Variants in RASEF observed in about 807,000 individuals in gnomAD.
RASEF encodes the protein RAS and EF-hand domain containing, also known as ras and EF-hand domain-containing protein.
Under a neutral mutation model 90.1 loss-of-function variants are expected in RASEF, and 68 were observed. That is an observed-to-expected ratio of 0.75 (90% CI 0.62 to 0.92). The LOEUF is 0.92. Among genes scored for constraint, RASEF ranks in the 40% least tolerant of loss-of-function variants. The pLI is 0.00. For synonymous variants in RASEF, 331 were observed against 345.2 expected, an observed-to-expected ratio of 0.96 and a Z score of 0.46; for missense variants, 949 against 937.2, an observed-to-expected ratio of 1.01 and a Z score of -0.16.
intron 3 of RASEF, among the ~76,000 whole-genome samples, chr9:83,016,981 G>A (rs1467080998): frequency 1.3e-5 from 2 of 152,076 alleles, no homozygotes; most frequent in Non-Finnish European, 1.5e-5. Flanking sequence ...TTCCCTAAAG[G>A]TAACGTTTTT....
rs115600747 is a variant in RASEF at position 82,989,997 on chromosome 9, A to T, written c.2117+394T>A. ...GTAATAATTCTGACAAAGTGTTTCT[A>T]ACTGGCATAACATACAAATTGCTTT... On this transcript the variant is annotated intron_variant, in intron 16 of 16. Transcript: ENST00000376447. Among the ~76,000 whole-genome samples the T allele has an allele frequency of 7.5e-3, 1,141 of 152,336 alleles. 17 individuals are homozygous for T. Among genetic ancestry groups the T allele is most frequent in the African/African-American group, 0.025 (1,050 of 41,580 alleles).
the RASEF span, among the ~76,000 whole-genome samples, chr9:83,133,896 T>G: frequency 1.3e-5 from 2 of 152,130 alleles, no homozygotes; most frequent in South Asian, 4.1e-4. Flanking sequence ...ATATACACAG[T>G]AATTAAGGCA....
At chr9:83,197,080 C>T in the RASEF span, among the ~76,000 whole-genome samples, 4 of 152,246 alleles carry the variant, frequency 2.6e-5, no homozygotes, top group Non-Finnish European at 5.9e-5. Flanking sequence ...CCACCCTCTC[C>T]TTGGAAGGCT....
chr9:83,193,141 C>T, the RASEF span, among the ~76,000 whole-genome samples: 1 of 152,186 alleles, frequency 6.6e-6, no homozygotes, highest in Non-Finnish European at 1.5e-5. Flanking sequence ...TGGGATAGAG[C>T]ACCATCAGAC....
the RASEF span, among the ~76,000 whole-genome samples, chr9:83,127,411 G>T: frequency 5.9e-5 from 9 of 152,090 alleles, no homozygotes; most frequent in Non-Finnish European, 8.8e-5. Context: ...GGGTCCCCAG[G>T]AGCCCATAGT....
chr9:83,090,537 G>A, the RASEF span, among the ~76,000 whole-genome samples: 36 of 151,958 alleles, frequency 2.4e-4, no homozygotes, highest in African/African-American at 7.7e-4. Context: ...CTGAGTAGCT[G>A]GGATTACAGG....
At chr9:83,078,986 C>G in the RASEF span, among the ~76,000 whole-genome samples, 1 of 152,224 alleles carries the variant, frequency 6.6e-6, no homozygotes. Context: ...AATATTTTCT[C>G]CCATTCTGTA....
intron 1 of RASEF, among the ~76,000 whole-genome samples, chr9:83,045,529 C>A (rs963545644): frequency 1.3e-5 from 2 of 152,170 alleles, no homozygotes; most frequent in Non-Finnish European, 2.9e-5. Flanking sequence ...CTTTTATTAT[C>A]CTGAAGACAG....
At chr9:83,180,139 T>C in the RASEF span, among the ~76,000 whole-genome samples, 1 of 152,204 alleles carries the variant, frequency 6.6e-6, no homozygotes, top group Admixed American at 6.5e-5. Flanking sequence ...TATGCAGTTG[T>C]ATTACTTTAA....
rs77493088 is a variant in RASEF, at chr9:83,030,889, C to A, written c.432-4968G>T. Among the ~76,000 whole-genome samples, 439 of 151,876 alleles carry A rather than the reference C, an allele frequency of 2.9e-3. 4 individuals are homozygous for A. The highest frequency in any genetic ancestry group is 0.01 in the African/African-American group (428 of 41,430). On this transcript the variant is annotated intron_variant, in intron 1 of 16. Transcript: ENST00000376447. Reference sequence around the variant, plus strand: ...TCTCAATTTCTCTCTCTCTCCTTTCCACCTTCTCCTTCTTTCTCCCTTTTC... The same window carrying A: ...TCTCAATTTCTCTCTCTCTCCTTTCAACCTTCTCCTTCTTTCTCCCTTTTC...
the RASEF span, among the ~76,000 whole-genome samples, chr9:83,179,934 G>A: frequency 6.6e-6 from 1 of 152,064 alleles, no homozygotes; most frequent in African/African-American, 2.4e-5. Context: ...CCGTCCCAGG[G>A]CAAACCAACA....
At chr9:83,022,699 T>G (rs139128199) in intron 2 of RASEF, among the ~76,000 whole-genome samples, 1 of 152,338 alleles carries the variant, frequency 6.6e-6, no homozygotes, top group African/African-American at 2.4e-5. Context: ...TTTGTCATTG[T>G]GTAAGCATCA....
chr9:83,130,067 C>T, the RASEF span, among the ~76,000 whole-genome samples: 1 of 152,132 alleles, frequency 6.6e-6, no homozygotes, highest in African/African-American at 2.4e-5. Flanking sequence ...CTCAGTAGTA[C>T]AAAGTGAAGA....
the RASEF span, among the ~76,000 whole-genome samples, chr9:83,085,565 T>C: frequency 6.6e-6 from 1 of 151,854 alleles, no homozygotes; most frequent in African/African-American, 2.4e-5. Context: ...AACCTGAAGA[T>C]TGATGCTGCA....
At chr9:83,128,025 C>CTTTT in the RASEF span, among the ~76,000 whole-genome samples, 6 of 134,722 alleles carry the variant, frequency 4.5e-5, no homozygotes, top group Non-Finnish European at 6.3e-5. Flanking sequence ...TTTTTCTTTT[C>CTTTT]TTTTTTTTTT....
At chr9:83,165,145 A>C in the RASEF span, among the ~76,000 whole-genome samples, 1 of 152,112 alleles carries the variant, frequency 6.6e-6, no homozygotes, top group Admixed American at 6.6e-5. Flanking sequence ...CACCACCATC[A>C]ATTGACTGGA....
the RASEF span, among the ~76,000 whole-genome samples, chr9:83,207,881 T>C: frequency 6.6e-6 from 1 of 152,162 alleles, no homozygotes; most frequent in Non-Finnish European, 1.5e-5. Flanking sequence ...GTTGGGATTA[T>C]AGGCATGAAC....
chr9:83,022,046 G>C (rs1323534371), intron 3 of RASEF, among the ~76,000 whole-genome samples: 1 of 152,020 alleles, frequency 6.6e-6, no homozygotes, highest in Non-Finnish European at 1.5e-5. Flanking sequence ...CTTCAAAGAG[G>C]CCTCTTACCC....
intron 1 of RASEF, among the ~76,000 whole-genome samples, chr9:83,046,015 T>C (rs1415091054): frequency 1.1e-4 from 16 of 151,272 alleles, no homozygotes; most frequent in African/African-American, 3.9e-4. Context: ...TTAAGCTTCC[T>C]TCACCTTCGG....
Sources: gnomAD v4.1 joint callset for allele counts (sites outside exome capture counted in the v4.1 genomes callset) on GRCh38, gnomAD v4.1.1 for gene constraint, MANE v1.5 for transcripts, NCBI Gene and HGNC (gene_info 2026-07-23, HGNC 2026-07-21) for gene names.